The following ARHGAP39 variants were observed in gnomAD, a reference collection of about 807,000 sequenced individuals.
ARHGAP39 encodes rho GTPase-activating protein 39.
ARHGAP39 carries 44 observed loss-of-function variants against 106.9 expected under a neutral mutation model. That is an observed-to-expected ratio of 0.41 (90% CI 0.32 to 0.53). The LOEUF (loss-of-function observed/expected upper bound fraction) is 0.53, where lower values mean the gene tolerates loss of function less well. Among genes scored for constraint, ARHGAP39 ranks in the 20% least tolerant of loss-of-function variants. The pLI is 0.21. For synonymous variants in ARHGAP39, 768 were observed against 693.2 expected (o/e 1.11, Z -1.69); for missense variants, 1,496 against 1,577.3 (o/e 0.95, Z 0.87).
chr8:144,530,966 G>GGA, intron 10 of ARHGAP39, 95 bp from the exon 11 acceptor site: 1 of 1,449,078 alleles, frequency 6.9e-7, no homozygotes, highest in Non-Finnish European at 9.2e-7. Context: ...GGGTGCTGTG[G>GGA]GGGACAGGCT....
rs1242752825 is a variant in ARHGAP39, at chr8:144,547,565, G to A, written c.1521C>T (p.Ala507=). 3 of 1,471,276 alleles carry A rather than the reference G, an allele frequency of 2.0e-6. No individual in the cohort carries two copies. Among genetic ancestry groups the A allele is most frequent in the East Asian group, 4.8e-5 (2 of 41,286 alleles). The allele number at this position is 1,471,276 out of a possible 1,614,324, so 91.1% of individuals were successfully genotyped here. The change falls in exon 5 of 12, where the codon GCC becomes GCT. Residue 507 remains alanine (A), a synonymous_variant. Coordinates refer to ENST00000377307, the MANE Select transcript of ARHGAP39 (RefSeq NM_025251.3). The surrounding 1 kb of genome is among the most constrained non-coding windows in gnomAD (Gnocchi z 5.2). ...GGTCCCCGGGGCCCTCAGTGGGGGT[G>A]GCGCTGGTGGCTTGGCACAAAGAGG... ...RKPSLCQATS[A]TPTEGPGDLL...
chr8:144,548,407 C>T lies in ARHGAP39; in HGVS notation c.679G>A (p.Ala227Thr), dbSNP rs1233379500. The change falls in exon 5 of 12, where the codon GCC becomes ACC. Residue 227 changes from alanine to threonine, a missense_variant. By Grantham distance (58) the Ala-to-Thr change is moderately conservative (BLOSUM62 0). Transcript: ENST00000377307. The surrounding 1 kb of genome is among the most constrained non-coding windows in gnomAD (Gnocchi z 7.4). ...TCTGGGGCGTAGCCATTGCCCTGGG[C>T]GGCGAGGAAGCTGGGCTCCCGATCA... ...VADREPSFLAAQGNGYAPDGP... is the reference protein window; with the variant it reads ...VADREPSFLATQGNGYAPDGP... 6.2e-6 allele frequency: 10 copies of T among 1,610,482 alleles called. No homozygotes were observed. The highest frequency in any genetic ancestry group is 2.2e-5 in the East Asian group (1 of 44,846).
intron 1 of ARHGAP39, among the ~76,000 whole-genome samples, chr8:144,639,214 T>A (rs1332125798): frequency 2.6e-5 from 4 of 151,290 alleles, no homozygotes; most frequent in Admixed American, 6.6e-5. Context: ...GAGTCCCCGC[T>A]ACTTGGGAGG....
rs1284804246 is a variant in ARHGAP39 at position 144,591,598 on chromosome 8, G to A, written c.81-10321C>T. Among the ~76,000 whole-genome samples, 1 of 152,218 alleles carries A rather than the reference G, an allele frequency of 6.6e-6. No homozygotes were observed. Among genetic ancestry groups the A allele is most frequent in the East Asian group, 1.9e-4 (1 of 5,196 alleles). ...GGATGAAGGCTCCGGGAGGCCAGTG[G>A]TGCTGGGGGACAGGGTGCGTGCCAG... On this transcript the variant is annotated intron_variant, in intron 2 of 11. Transcript: ENST00000377307. This position sits in a 1 kb window ranked among gnomAD's most constrained non-coding sequence, Gnocchi z 5.3.
chr8:144,680,611 G>A (rs1261667122), intron 1 of ARHGAP39, among the ~76,000 whole-genome samples: 5 of 152,122 alleles, frequency 3.3e-5, no homozygotes, highest in Non-Finnish European at 7.4e-5. Flanking sequence ...TTAGATGTTC[G>A]ATTTTAAAAC....
At chr8:144,555,463 C>T in intron 4 of ARHGAP39, 97 bp downstream of exon 4, 1 of 1,077,222 alleles carries the variant, frequency 9.3e-7, no homozygotes, top group Non-Finnish European at 1.4e-6. Flanking sequence ...TGTGGTGTTG[C>T]TGCTACGCGC....
At chr8:144,650,489 T>G (rs2129645220) in intron 1 of ARHGAP39, among the ~76,000 whole-genome samples, 1 of 152,188 alleles carries the variant, frequency 6.6e-6, no homozygotes, top group South Asian at 2.1e-4. Flanking sequence ...TGATGCACAT[T>G]GATGCAAAAA....
chr8:144,578,972 G>A (rs1818866218), intron 3 of ARHGAP39, among the ~76,000 whole-genome samples: 1 of 152,118 alleles, frequency 6.6e-6, no homozygotes, highest in South Asian at 2.1e-4. Context: ...ACTTTGGGAG[G>A]TGGGTGGATC....
At chr8:144,661,416 G>C (rs1821819020) in intron 1 of ARHGAP39, among the ~76,000 whole-genome samples, 1 of 152,152 alleles carries the variant, frequency 6.6e-6, no homozygotes, top group Non-Finnish European at 1.5e-5. Flanking sequence ...CCTCACTCCT[G>C]TGATAGTCTC....
chr8:144,552,310 G>C (rs533036947), intron 4 of ARHGAP39, among the ~76,000 whole-genome samples: 1 of 152,244 alleles, frequency 6.6e-6, no homozygotes, highest in Non-Finnish European at 1.5e-5. Flanking sequence ...AGCCAGAAGC[G>C]CGTCCCTGCT....
chr8:144,553,431 C>T lies in ARHGAP39; in HGVS notation c.596+2129G>A, dbSNP rs116447027. On this transcript the variant is annotated intron_variant, in intron 4 of 11. Coordinates refer to ENST00000377307, the MANE Select transcript of ARHGAP39 (RefSeq NM_025251.3). ...ATCATGAGAACACACAGAGCACGCG[C>T]GTTTCAGCAAAAAGGACTGAGAACG... Among the ~76,000 whole-genome samples the T allele has an allele frequency of 6.0e-3, 907 of 152,308 alleles. 9 individuals are homozygous for T. The highest frequency in any genetic ancestry group is 0.021 in the African/African-American group (873 of 41,552).
At position 144,671,601 on chromosome 8, in the gene ARHGAP39, T is replaced by C. The variant is rs540135408; in HGVS notation, c.-82+14085A>G. Among the ~76,000 whole-genome samples the C allele has an allele frequency of 2.4e-4, 37 of 152,366 alleles. No individual in the cohort carries two copies. The highest frequency in any genetic ancestry group is 7.9e-4 in the African/African-American group (33 of 41,588). ...CACACATCCCTCCCGCCTGAGGCTCTTTCTGTGCCTGGTGAATAGCCCAAG... is the reference window on the plus strand; with the variant it reads ...CACACATCCCTCCCGCCTGAGGCTCCTTCTGTGCCTGGTGAATAGCCCAAG... On this transcript the variant is annotated intron_variant, in intron 1 of 11. Coordinates refer to ENST00000377307, the MANE Select transcript of ARHGAP39 (RefSeq NM_025251.3). The surrounding 1 kb of genome is among the most constrained non-coding windows in gnomAD (Gnocchi z 4.5).
the ARHGAP39 span, chr8:144,699,284 G>A: frequency 1.8e-5 from 1 of 57,074 alleles, no homozygotes; most frequent in Non-Finnish European, 3.5e-5. Flanking sequence ...GCAGTGGGGC[G>A]GGGCCTTGGG....
intron 1 of ARHGAP39, among the ~76,000 whole-genome samples, chr8:144,677,986 T>C (rs1023498998): frequency 6.6e-6 from 1 of 152,084 alleles, no homozygotes; most frequent in African/African-American, 2.4e-5. Flanking sequence ...ACGTGGGAAA[T>C]GTGTCAACGA....
At chr8:144,561,920 A>G (rs371400891) in intron 3 of ARHGAP39, among the ~76,000 whole-genome samples, 1,769 of 119,232 alleles carry the variant, frequency 0.015, 43 homozygotes, top group Admixed American at 0.056. Flanking sequence ...GGTTTCCATC[A>G]CACTCCAGTG....
At position 144,684,831 on chromosome 8, in the gene ARHGAP39, G is replaced by A. The variant is rs980350187; in HGVS notation, c.-82+855C>T. ...GCCCCAGCCCGCGCCTGCCGCAGAGGCGAGGCCGCAGAGCCCACCCGCAGG... is the reference window on the plus strand; with the variant it reads ...GCCCCAGCCCGCGCCTGCCGCAGAGACGAGGCCGCAGAGCCCACCCGCAGG... On this transcript the variant is annotated intron_variant, in intron 1 of 11. Transcript: ENST00000377307. This position sits in a 1 kb window ranked among gnomAD's most constrained non-coding sequence, Gnocchi z 4.4. 1.3e-5 allele frequency among the ~76,000 whole-genome samples: 2 copies of A among 152,316 alleles called. No individual in the cohort carries two copies. Among genetic ancestry groups the A allele is most frequent in the South Asian group, 2.1e-4 (1 of 4,832 alleles).
At chr8:144,602,305 G>A (rs534643466) in intron 2 of ARHGAP39, among the ~76,000 whole-genome samples, 7 of 120,834 alleles carry the variant, frequency 5.8e-5, no homozygotes, top group African/African-American at 1.3e-4. Flanking sequence ...TCGTGTACCT[G>A]TGTGTGTGCA....
At chr8:144,558,530 T>C (rs1220845751) in intron 3 of ARHGAP39, among the ~76,000 whole-genome samples, 1 of 152,084 alleles carries the variant, frequency 6.6e-6, no homozygotes, top group African/African-American at 2.4e-5. Flanking sequence ...TGACATCAGG[T>C]GATCCACCTG....
intron 1 of ARHGAP39, among the ~76,000 whole-genome samples, chr8:144,665,998 G>A (rs1821954158): frequency 6.6e-6 from 1 of 152,190 alleles, no homozygotes; most frequent in Non-Finnish European, 1.5e-5. Flanking sequence ...CCAGGAGGGA[G>A]GCTATACCCT....
Sources: gnomAD v4.1 joint callset for allele counts (sites outside exome capture counted in the v4.1 genomes callset) on GRCh38, gnomAD v4.1.1 for gene constraint, Gnocchi (gnomAD v3.1) non-coding constraint, MANE v1.5 for transcripts, NCBI Gene and HGNC (gene_info 2026-07-23, HGNC 2026-07-21) for gene names.